Variants in NRG3 observed in about 807,000 individuals in gnomAD.
NRG3 encodes the protein neuregulin 3, also known as pro-neuregulin-3, membrane-bound isoform.
Under a neutral mutation model 66.9 loss-of-function variants are expected in NRG3, and 31 were observed. The observed-to-expected ratio is 0.46, with a 90% CI of 0.35 to 0.63. The LOEUF (loss-of-function observed/expected upper bound fraction) is 0.63. NRG3 is among the 20% of genes least tolerant of loss of function. The pLI, the probability that NRG3 is intolerant of heterozygous loss-of-function variation, is 0.00. For missense variants in NRG3, 910 were observed against 878.9 expected (o/e 1.04, Z -0.45); for synonymous variants, 393 against 359.4 (o/e 1.09, Z -1.06).
chr10:82,061,999 G>A (rs2064180529), intron 1 of NRG3, among the ~76,000 whole-genome samples: 1 of 152,090 alleles, frequency 6.6e-6, no homozygotes, highest in Non-Finnish European at 1.5e-5. Context: ...ATCTATATTG[G>A]TCTTTCCTTT....
intron 2 of NRG3, among the ~76,000 whole-genome samples, chr10:82,518,184 G>A (rs1845875775): frequency 6.6e-6 from 1 of 152,118 alleles, no homozygotes; most frequent in South Asian, 2.1e-4. Flanking sequence ...TAGCACATAG[G>A]AAACAATAAA....
intron 2 of NRG3, among the ~76,000 whole-genome samples, chr10:82,731,580 G>A (rs1458059440): frequency 2.6e-5 from 4 of 151,144 alleles, no homozygotes; most frequent in African/African-American, 4.8e-5. Flanking sequence ...CATTCATGTT[G>A]TCACAAATGA....
intron 2 of NRG3, among the ~76,000 whole-genome samples, chr10:82,628,903 T>C (rs2133700444): frequency 6.6e-6 from 1 of 152,292 alleles, no homozygotes; most frequent in East Asian, 1.9e-4. Flanking sequence ...TATAAAATGG[T>C]CACAGAGTGT....
intron 1 of NRG3, among the ~76,000 whole-genome samples, chr10:82,180,290 G>A (rs184752798): frequency 1.5e-4 from 23 of 151,894 alleles, no homozygotes; most frequent in Non-Finnish European, 1.5e-5. Context: ...TTGAATAGAA[G>A]TGGCATGAGT....
Position 82,973,825 on chromosome 10 carries a change from A to G in NRG3, c.1322A>G (p.Glu441Gly). Residue 441 changes from glutamate to glycine, a missense_variant, in exon 7 of 9, where the codon GAG becomes GGG. Coordinates refer to ENST00000372141, the MANE Select transcript of NRG3 (RefSeq NM_001010848.4). ...KVERHPVTAL[E>G]KMMESSFVGP... is the part of the protein sequence containing the mutation. ...GAAAGGCATCCTGTGACTGCATTGG[A>G]GAAAATGATGGAGTCAAGTTTTGTC... 2 of 1,613,996 alleles carry G rather than the reference A, an allele frequency of 1.2e-6. No homozygotes were observed. Among genetic ancestry groups the G allele is most frequent in the Non-Finnish European group, 1.7e-6 (2 of 1,179,872 alleles).
At chr10:82,579,005 A>C (rs1012683441) in intron 2 of NRG3, among the ~76,000 whole-genome samples, 1 of 151,860 alleles carries the variant, frequency 6.6e-6, no homozygotes. Context: ...GTTCTGGTGG[A>C]TGCTTTGAGA....
chr10:82,286,666 C>A (rs2079436474), intron 1 of NRG3, among the ~76,000 whole-genome samples: 1 of 152,180 alleles, frequency 6.6e-6, no homozygotes. Context: ...CGGCTCACTG[C>A]AACCTCTGCT....
At chr10:82,948,521 C>T (rs985919672) in intron 4 of NRG3, among the ~76,000 whole-genome samples, 6 of 152,062 alleles carry the variant, frequency 3.9e-5, no homozygotes, top group Non-Finnish European at 8.8e-5. Context: ...TGTCTATCAT[C>T]TTGGGGAGAA....
intron 2 of NRG3, among the ~76,000 whole-genome samples, chr10:82,729,312 C>CG (rs1368032176): frequency 1.3e-5 from 2 of 152,212 alleles, no homozygotes; most frequent in Non-Finnish European, 2.9e-5. Context: ...TTGTTACCCC[C>CG]TCTAAACCTT....
chr10:82,446,239 C>T (rs1463865614), intron 2 of NRG3, among the ~76,000 whole-genome samples: 1 of 152,186 alleles, frequency 6.6e-6, no homozygotes, highest in East Asian at 1.9e-4. Flanking sequence ...ATGGAAGAAA[C>T]TGTGGACTTT....
chr10:82,877,278 C>A (rs1248825087), intron 4 of NRG3, among the ~76,000 whole-genome samples: 1 of 151,826 alleles, frequency 6.6e-6, no homozygotes, highest in Non-Finnish European at 1.5e-5. Context: ...TGTGTTGAGC[C>A]CCTGTGAGAG....
intron 1 of NRG3, among the ~76,000 whole-genome samples, chr10:82,172,281 G>A (rs2072684079): frequency 1.3e-5 from 2 of 152,100 alleles, no homozygotes; most frequent in Admixed American, 1.3e-4. Flanking sequence ...CAAGTCTACT[G>A]AAGTGGCCAA....
chr10:82,162,647 C>T (rs534606489), intron 1 of NRG3, among the ~76,000 whole-genome samples: 4 of 152,216 alleles, frequency 2.6e-5, no homozygotes, highest in African/African-American at 4.8e-5. Flanking sequence ...GAGCTTCCAC[C>T]GCTTCTCAGC....
chr10:82,767,023 T>TTATA (rs752348278), intron 3 of NRG3, among the ~76,000 whole-genome samples: 11 of 148,278 alleles, frequency 7.4e-5, no homozygotes, highest in Non-Finnish European at 1.5e-4. Context: ...ATATAAATCC[T>TTATA]TATATATATA....
chr10:82,183,247 G>C (rs1189546862), intron 1 of NRG3, among the ~76,000 whole-genome samples: 1 of 151,108 alleles, frequency 6.6e-6, no homozygotes, highest in East Asian at 1.9e-4. Context: ...TCCTCTCTCT[G>C]TTCTCCCCTG....
At chr10:81,894,997 A>G (rs1035608015) in intron 1 of NRG3, among the ~76,000 whole-genome samples, 1 of 152,116 alleles carries the variant, frequency 6.6e-6, no homozygotes, top group Non-Finnish European at 1.5e-5. Flanking sequence ...AAATAGAGCC[A>G]CCTGAGTAAG....
At chr10:82,589,036 G>A (rs993097205) in intron 2 of NRG3, among the ~76,000 whole-genome samples, 1 of 152,050 alleles carries the variant, frequency 6.6e-6, no homozygotes, top group Non-Finnish European at 1.5e-5. Flanking sequence ...GGGATTGCTG[G>A]CCTACGCATT....
chr10:82,118,216 T>TA (rs201442608), intron 1 of NRG3, among the ~76,000 whole-genome samples: 5,328 of 130,094 alleles, frequency 0.041, 286 homozygotes, highest in African/African-American at 0.12. Flanking sequence ...GTAAGGACTC[T>TA]AAAAAAAAAA....
intron 3 of NRG3, among the ~76,000 whole-genome samples, chr10:82,845,242 C>T (rs972393777): frequency 9.9e-5 from 15 of 152,204 alleles, no homozygotes; most frequent in Non-Finnish European, 2.1e-4. Flanking sequence ...GTGCCTCATA[C>T]AGGACTTGGC....
Sources: allele counts gnomAD v4.1 joint callset (sites outside exome capture counted in the v4.1 genomes callset), GRCh38; gene constraint gnomAD v4.1.1; transcripts MANE v1.5; gene names NCBI Gene and HGNC (gene_info 2026-07-23, HGNC 2026-07-21).